TIGIT: variants seen among roughly 807,000 people sequenced by gnomAD.
TIGIT encodes T cell immunoreceptor with Ig and ITIM domains.
TIGIT carries 11 observed loss-of-function variants against 19.6 expected under a neutral mutation model. That is an observed-to-expected ratio of 0.56 (90% confidence interval 0.35 to 0.93). The LOEUF is 0.93. Among genes scored for constraint, TIGIT ranks in the 40% least tolerant of loss-of-function variants. TIGIT has a pLI of 0.01. For missense variants in TIGIT, 295 were observed against 303.9 expected (o/e 0.97, Z 0.22); for synonymous variants, 130 against 125.5 (o/e 1.04, Z -0.24).
In TIGIT at chr3:114,310,218, A is replaced by G. The variant is rs1164815903; in HGVS notation, c.*2087A>G. ...TGAATAATAAGAATACTATTTCAGTAGTTTTGGTATATTGTGTGTCAAAAA... is the reference window on the plus strand; with the variant it reads ...TGAATAATAAGAATACTATTTCAGTGGTTTTGGTATATTGTGTGTCAAAAA... On this transcript the variant is annotated 3_prime_UTR_variant, in exon 4 of 4. Coordinates refer to ENST00000383671, the MANE Select transcript of TIGIT (RefSeq NM_173799.4). 1 of 152,216 alleles carries G rather than the reference A, an allele frequency of 6.6e-6. No homozygotes were observed. The highest frequency in any genetic ancestry group is 1.5e-5 in the Non-Finnish European group (1 of 68,048). 9.4% of individuals were successfully genotyped at this position (152,216 alleles called of 1,614,324 possible).
intron 3 of TIGIT, among the ~76,000 whole-genome samples, chr3:114,305,394 G>A (rs2078526161): frequency 6.6e-6 from 1 of 152,178 alleles, no homozygotes; most frequent in Admixed American, 6.5e-5. Flanking sequence ...AATAGAGCCT[G>A]ACATGCAAAT....
At chr3:114,304,052 C>A (rs932145529) in intron 3 of TIGIT, among the ~76,000 whole-genome samples, 7 of 151,872 alleles carry the variant, frequency 4.6e-5, no homozygotes, top group African/African-American at 1.7e-4. Flanking sequence ...ATTTGTATAT[C>A]CTTTTCTGAG....
chr3:114,307,591 T>A, intron 3 of TIGIT: 1 of 296,914 alleles, frequency 3.4e-6, no homozygotes, highest in South Asian at 4.9e-5. Flanking sequence ...GTCGACAGAG[T>A]CAAGTGCAGT....
Position 114,295,873 on chromosome 3 carries a change from A to G in TIGIT, c.390A>G (p.Ser130=), listed in dbSNP as rs2078450591. ...GRIFLEVLES[S]VAEHGARFQI... ...TCTTCCTGGAGGTCCTAGAAAGCTC[A>G]GGTATTCCTGCTGGAGCAAGTTGGT... is the stretch of plus-strand genomic sequence containing the variant. The change falls in exon 2 of 4, where the codon TCA becomes TCG. Residue 130 remains serine (S), a splice_region_variant and synonymous_variant. Coordinates refer to ENST00000383671, the MANE Select transcript of TIGIT (RefSeq NM_173799.4). The G allele has an allele frequency of 1.3e-6, 2 of 1,592,234 alleles. No homozygotes were observed. The highest frequency in any genetic ancestry group is 1.7e-6 in the Non-Finnish European group (2 of 1,165,016).
chr3:114,303,597 GTATATATATA>G (rs368266926), intron 3 of TIGIT, among the ~76,000 whole-genome samples: 2 of 7,874 alleles, frequency 2.5e-4, no homozygotes, highest in Admixed American at 1.9e-3. Context: ...ACATATATAT[GTATATATATA>G]TATACATATA....
intron 3 of TIGIT, among the ~76,000 whole-genome samples, chr3:114,303,588 CATATATATGTATATATATATAT>C (rs1560033641): frequency 0.03 from 1,586 of 53,148 alleles, 82 homozygotes; most frequent in South Asian, 0.076. Flanking sequence ...TATATATATA[CATATATATGTATATATATATAT>C]ACATATATAT....
In TIGIT at chr3:114,310,034, AC is replaced by A. The variant is rs2078561580; in HGVS notation, c.*1905del. ...GATTCTCCTCTGAGAACCAGAGAAG[AC>A]CATTTCATAGTTGGATTCCTGGAGA... On this transcript the variant is annotated 3_prime_UTR_variant, in exon 4 of 4. Coordinates refer to ENST00000383671, the MANE Select transcript of TIGIT (RefSeq NM_173799.4). The A allele has an allele frequency of 6.6e-6, 1 of 152,174 alleles. No individual in the cohort carries two copies. Among genetic ancestry groups the A allele is most frequent in the African/African-American group, 2.4e-5 (1 of 41,440 alleles). 9.4% of individuals were successfully genotyped at this position (152,174 alleles called of 1,614,324 possible). A position where few individuals can be genotyped will look rare whatever the true frequency, so the allele number is the denominator to read the frequency against.
rs778741859 is a variant in TIGIT, at chr3:114,308,018, G to T, written c.622G>T (p.Ala208Ser). The T allele has an allele frequency of 6.2e-7, 1 of 1,614,090 alleles. No individual in the cohort carries two copies. The highest frequency in any genetic ancestry group is 1.7e-5 in the Admixed American group (1 of 60,004). The part of the protein sequence containing the change: ...GSCVQAEAAP[A>S]GLCGEQRGED... ...CTGTGTCCAGGCAGAAGCTGCACCT[G>T]CTGGGCTCTGTGGAGAGCAGCGGGG... Residue 208 changes from alanine (A) to serine (S), a missense_variant, in exon 4 of 4, where the codon GCT becomes TCT. Transcript: ENST00000383671.
intron 3 of TIGIT, among the ~76,000 whole-genome samples, chr3:114,306,108 G>T (rs906551116): frequency 6.6e-6 from 1 of 152,106 alleles, no homozygotes; most frequent in Non-Finnish European, 1.5e-5. Flanking sequence ...AGGAGCACTG[G>T]TTTAAGTCCT....
At chr3:114,303,365 G>C (rs1415239615) in intron 3 of TIGIT, among the ~76,000 whole-genome samples, 1 of 151,844 alleles carries the variant, frequency 6.6e-6, no homozygotes, top group African/African-American at 2.4e-5. Context: ...TTCTGAGTGA[G>C]AACATACAAT....
intron 3 of TIGIT, among the ~76,000 whole-genome samples, chr3:114,305,864 GGATAGATAGATAGATA>G (rs747740694): frequency 1.9e-4 from 28 of 145,046 alleles, no homozygotes; most frequent in Non-Finnish European, 3.5e-4. Context: ...ATGGATGGAT[GGATAGATAGATAGATA>G]GATAGATAGA....
At chr3:114,298,723 G>A (rs2078470724) in intron 2 of TIGIT, among the ~76,000 whole-genome samples, 1 of 152,214 alleles carries the variant, frequency 6.6e-6, no homozygotes, top group Admixed American at 6.5e-5. Flanking sequence ...TTATGGATTG[G>A]ATTCCTAAGC....
chr3:114,303,602 TATATATATAC>T (rs1328274781), intron 3 of TIGIT, among the ~76,000 whole-genome samples: 2 of 61,552 alleles, frequency 3.2e-5, no homozygotes, highest in African/African-American at 8.8e-5. Flanking sequence ...TATATGTATA[TATATATATAC>T]ATATATATGT....
At chr3:114,299,736 G>T in intron 3 of TIGIT, 33 bp downstream of exon 3, 1 of 1,459,454 alleles carries the variant, frequency 6.9e-7, no homozygotes, top group Non-Finnish European at 9.6e-7. Flanking sequence ...GCAGTCATGG[G>T]CACCCCCACG....
rs1358283215 is a variant in TIGIT at position 114,308,135 on chromosome 3, C to G, written c.*4C>G. ...CTTCTTCACAGAGACTGGTTAGCAA[C>G]CAGAGGCATCTTCTGGAAGATACAC... On this transcript the variant is annotated 3_prime_UTR_variant, in exon 4 of 4. Transcript: ENST00000383671. 1 of 1,611,352 alleles carries G rather than the reference C, an allele frequency of 6.2e-7. No homozygotes were observed. The highest frequency in any genetic ancestry group is 8.5e-7 in the Non-Finnish European group (1 of 1,177,900).
chr3:114,305,426 G>A (rs1169432285), intron 3 of TIGIT, among the ~76,000 whole-genome samples: 5 of 152,174 alleles, frequency 3.3e-5, no homozygotes, highest in African/African-American at 4.8e-5. Context: ...TGACTTATTG[G>A]GACAGCTCTC....
At chr3:114,301,193 A>G (rs894741808) in intron 3 of TIGIT, among the ~76,000 whole-genome samples, 1 of 152,058 alleles carries the variant, frequency 6.6e-6, no homozygotes, top group Non-Finnish European at 1.5e-5. Context: ...CACCACATAA[A>G]TATTTTGGGA....
rs1220974403 is a variant in TIGIT at position 114,308,005 on chromosome 3, A to G, written c.609A>G (p.Ala203=). 5 of 1,614,078 alleles carry G rather than the reference A, an allele frequency of 3.1e-6. No homozygotes were observed. The Admixed American group carries it at 8.3e-5, about 27-fold the overall frequency. The part of the protein sequence containing the change: ...APSPPGSCVQ[A]EAAPAGLCGE... ...CACCCCCAGGAAGCTGTGTCCAGGC[A>G]GAAGCTGCACCTGCTGGGCTCTGTG... Residue 203 remains alanine, a synonymous_variant, in exon 4 of 4, where the codon GCA becomes GCG. Coordinates refer to ENST00000383671, the MANE Select transcript of TIGIT (RefSeq NM_173799.4).
At chr3:114,301,947 T>G (rs1331388550) in intron 3 of TIGIT, among the ~76,000 whole-genome samples, 1 of 152,188 alleles carries the variant, frequency 6.6e-6, no homozygotes, top group African/African-American at 2.4e-5. Context: ...AATAATAGGA[T>G]TTCCAGAAGT....
Sources: allele counts gnomAD v4.1 joint callset (sites outside exome capture counted in the v4.1 genomes callset), GRCh38; gene constraint gnomAD v4.1.1; transcripts MANE v1.5; gene names NCBI Gene and HGNC (gene_info 2026-07-23, HGNC 2026-07-21).